Variants in CCDC102B observed in about 807,000 individuals in gnomAD.
CCDC102B encodes the protein coiled-coil domain-containing protein 102B.
Under a neutral mutation model 57.4 loss-of-function variants are expected in CCDC102B, and 75 were observed. The observed-to-expected ratio is 1.31, with a 90% CI of 1.08 to 1.58. The LOEUF is 1.58. CCDC102B is among the 40% of genes most tolerant of loss of function. CCDC102B has a pLI of 0.00. For missense variants in CCDC102B, 636 were observed against 582.6 expected, an observed-to-expected ratio of 1.09 and a Z score of -0.94; for synonymous variants, 206 against 201.9, an observed-to-expected ratio of 1.02 and a Z score of -0.17.
intron 2 of CCDC102B, chr18:68,721,209 C>T (rs879823963): frequency 6.6e-6 from 1 of 152,208 alleles, no homozygotes; most frequent in Non-Finnish European, 1.5e-5. Context: ...GAGTATAATA[C>T]ATGTGCAAAC....
chr18:68,929,395 T>C (rs2041589308), intron 6 of CCDC102B, among the ~76,000 whole-genome samples: 1 of 151,938 alleles, frequency 6.6e-6, no homozygotes, highest in Non-Finnish European at 1.5e-5. Context: ...TTTTCCACTT[T>C]ACAAAAGCAT....
rs190819567 is a variant in CCDC102B, at chr18:68,771,126, C to T, written c.-66-52240C>T. On this transcript the variant is annotated intron_variant, in intron 2 of 3. Coordinates refer to the CCDC102B transcript ENST00000578970. ...TTGTGCCTGACCTTCCAAAATGCAA[C>T]AGGCAAAACAACATAAAATCTGTTT... Among the ~76,000 whole-genome samples, 277 of 152,262 alleles carry T rather than the reference C, an allele frequency of 1.8e-3. 1 individual carries two copies. The highest frequency in any genetic ancestry group is 6.4e-3 in the African/African-American group (268 of 41,564).
chr18:68,950,936 AAT>A (rs1194629053), intron 6 of CCDC102B, among the ~76,000 whole-genome samples: 3 of 152,162 alleles, frequency 2.0e-5, no homozygotes, highest in Non-Finnish European at 4.4e-5. Context: ...CACATAATAA[AAT>A]ATATCTTAGA....
chr18:69,011,455 A>G (rs1390801685), intron 7 of CCDC102B, among the ~76,000 whole-genome samples: 1 of 151,984 alleles, frequency 6.6e-6, no homozygotes, highest in Non-Finnish European at 1.5e-5. Context: ...CATCTATATC[A>G]AAAAGTGTGA....
At chr18:68,829,442 T>C (rs1343858668) in intron 1 of CCDC102B, among the ~76,000 whole-genome samples, 1 of 152,106 alleles carries the variant, frequency 6.6e-6, no homozygotes, top group Non-Finnish European at 1.5e-5. Flanking sequence ...GTAAAGAATG[T>C]ACTGTTGGGA....
At chr18:68,905,835 C>A (rs2040616690) in intron 6 of CCDC102B, among the ~76,000 whole-genome samples, 1 of 136,038 alleles carries the variant, frequency 7.4e-6, no homozygotes, top group Non-Finnish European at 1.5e-5. Flanking sequence ...GCTCTGTCAC[C>A]CAGGCTGGAG....
chr18:68,845,394 C>T (rs140210342), intron 3 of CCDC102B, among the ~76,000 whole-genome samples: 10 of 151,784 alleles, frequency 6.6e-5, no homozygotes, highest in African/African-American at 2.4e-4. Context: ...ATCTCAGTGT[C>T]ATATAACAAT....
intron 6 of CCDC102B, among the ~76,000 whole-genome samples, chr18:68,939,093 A>G (rs1375970584): frequency 6.6e-6 from 1 of 151,752 alleles, no homozygotes; most frequent in Non-Finnish European, 1.5e-5. Flanking sequence ...GAGATAACCT[A>G]TCAATTATAT....
chr18:68,954,884 A>G (rs1454852646), intron 6 of CCDC102B, among the ~76,000 whole-genome samples: 1 of 152,176 alleles, frequency 6.6e-6, no homozygotes, highest in Non-Finnish European at 1.5e-5. Flanking sequence ...TCAATATGAA[A>G]ACATCATAAC....
intron 6 of CCDC102B, chr18:68,897,685 A>G: frequency 2.2e-6 from 3 of 1,339,224 alleles, no homozygotes; most frequent in Middle Eastern, 3.9e-4. Context: ...AAAATGAAGT[A>G]AGAAATAGAA....
intron 6 of CCDC102B, among the ~76,000 whole-genome samples, chr18:68,981,117 C>T (rs560574980): frequency 6.6e-6 from 1 of 152,050 alleles, no homozygotes; most frequent in South Asian, 2.1e-4. Flanking sequence ...AAATTTTCTA[C>T]AATATGCATG....
rs544463477 is a variant in CCDC102B at position 68,751,811 on chromosome 18, A to G, written c.-67+35217A>G. Among the ~76,000 whole-genome samples, 158 of 152,330 alleles carry G rather than the reference A, an allele frequency of 1.0e-3. 1 individual carries two copies. The highest frequency in any genetic ancestry group is 2.0e-3 in the Non-Finnish European group (137 of 68,022). On this transcript the variant is annotated intron_variant, in intron 2 of 3. Transcript: ENST00000578970. ...GGAAAAAGGCAACATTCAGGAAGAT[A>G]ATGACAGAATTTCTTAGAACCTATG... is the stretch of plus-strand genomic sequence containing the variant.
chr18:68,952,699 G>A (rs2049732263), intron 6 of CCDC102B, among the ~76,000 whole-genome samples: 2 of 152,106 alleles, frequency 1.3e-5, no homozygotes, highest in South Asian at 4.1e-4. Flanking sequence ...TCAACCCCAA[G>A]GAGAGACAGT....
At chr18:68,885,421 C>G (rs1205128455) in intron 5 of CCDC102B, among the ~76,000 whole-genome samples, 2 of 151,756 alleles carry the variant, frequency 1.3e-5, no homozygotes, top group African/African-American at 2.4e-5. Context: ...ATAATAATAC[C>G]AAAAAGACAG....
chr18:68,994,274 A>G (rs1375756898), intron 6 of CCDC102B, among the ~76,000 whole-genome samples: 1 of 152,220 alleles, frequency 6.6e-6, no homozygotes, highest in African/African-American at 2.4e-5. Context: ...TTTGTGAAGT[A>G]TACAGTGAAG....
intron 4 of CCDC102B, among the ~76,000 whole-genome samples, chr18:68,865,624 A>G (rs1273138328): frequency 1.3e-5 from 2 of 152,162 alleles, no homozygotes; most frequent in Non-Finnish European, 2.9e-5. Context: ...TCCGCTTTTC[A>G]AATGAAGGGC....
At chr18:69,056,591 T>C (rs927425069), downstream of CCDC102B, among the ~76,000 whole-genome samples, 4 of 150,710 alleles carry the variant, frequency 2.7e-5, no homozygotes, top group Non-Finnish European at 5.9e-5. Context: ...CTGCCTACCA[T>C]GGTGTGCTGG....
intron 7 of CCDC102B, among the ~76,000 whole-genome samples, chr18:69,051,768 C>G (rs1034275411): frequency 1.3e-5 from 2 of 151,788 alleles, no homozygotes; most frequent in African/African-American, 4.8e-5. Flanking sequence ...TTTGATATGT[C>G]AGATCAATTG....
intron 2 of CCDC102B, among the ~76,000 whole-genome samples, chr18:68,764,377 C>A (rs1055553424): frequency 2.0e-5 from 3 of 152,134 alleles, no homozygotes; most frequent in African/African-American, 7.2e-5. Context: ...GTTTGCATGA[C>A]TTCTAGTTTT....
Sources: gnomAD v4.1 joint callset for allele counts (sites outside exome capture counted in the v4.1 genomes callset) on GRCh38, gnomAD v4.1.1 for gene constraint, MANE v1.5 for transcripts, NCBI Gene and HGNC (gene_info 2026-07-23, HGNC 2026-07-21) for gene names.